The following CCNY variants were observed in gnomAD, a reference collection of about 807,000 sequenced individuals.
CCNY encodes cyclin-Y.
Under a neutral mutation model 42.8 loss-of-function variants are expected in CCNY, and 19 were observed. The observed-to-expected ratio is 0.44, with a 90% CI of 0.31 to 0.65. The LOEUF (loss-of-function observed/expected upper bound fraction) is 0.65. Among genes scored for constraint, CCNY ranks in the 30% least tolerant of loss-of-function variants. The probability of loss-of-function intolerance (pLI) is 0.07; values close to 1 mark genes in which losing one functional copy is unlikely to be tolerated. For missense variants in CCNY, 370 were observed against 437.3 expected, an observed-to-expected ratio of 0.85 and a Z score of 1.37; for synonymous variants, 165 against 162.7, an observed-to-expected ratio of 1.01 and a Z score of -0.11.
At chr10:35,258,713 G>A (rs532122053) in intron 3 of CCNY, among the ~76,000 whole-genome samples, 4 of 152,044 alleles carry the variant, frequency 2.6e-5, no homozygotes, top group Admixed American at 6.6e-5. Context: ...CGAGGTGGGC[G>A]GATCATGAGG....
chr10:35,480,212 G>T (rs1192117836), intron 1 of CCNY, among the ~76,000 whole-genome samples: 1 of 152,138 alleles, frequency 6.6e-6, no homozygotes, highest in Non-Finnish European at 1.5e-5. Flanking sequence ...ACCACTTGTG[G>T]CCCAGGGAGC....
chr10:35,263,600 G>A (rs1477761104), intron 3 of CCNY, among the ~76,000 whole-genome samples: 2 of 151,656 alleles, frequency 1.3e-5, no homozygotes, highest in Admixed American at 1.3e-4. Flanking sequence ...AAAGGAAAGG[G>A]ACAGAAGGAA....
chr10:35,417,447 C>G (rs947881751), intron 1 of CCNY, among the ~76,000 whole-genome samples: 4 of 152,168 alleles, frequency 2.6e-5, no homozygotes, highest in Non-Finnish European at 5.9e-5. Flanking sequence ...AATGGGGTCA[C>G]TAATAGGACT....
At chr10:35,262,646 G>A (rs780120639) in intron 3 of CCNY, among the ~76,000 whole-genome samples, 36 of 152,226 alleles carry the variant, frequency 2.4e-4, no homozygotes, top group Non-Finnish European at 4.4e-4. Flanking sequence ...ACAGGGGTGA[G>A]TCGCCATGAC....
chr10:35,249,756 G>A (rs1341550982), intron 2 of CCNY, among the ~76,000 whole-genome samples: 1 of 152,114 alleles, frequency 6.6e-6, no homozygotes, highest in East Asian at 1.9e-4. Flanking sequence ...AAAGATCTGG[G>A]ATCTAAAGTG....
chr10:35,523,021 T>C (rs561068235), intron 4 of CCNY, among the ~76,000 whole-genome samples: 1 of 152,252 alleles, frequency 6.6e-6, no homozygotes, highest in Admixed American at 6.5e-5. Flanking sequence ...ATAGATAATA[T>C]GTCACTGACT....
At chr10:35,568,768 G>A (rs768890610) in intron 9 of CCNY, among the ~76,000 whole-genome samples, 1 of 152,244 alleles carries the variant, frequency 6.6e-6, no homozygotes, top group Admixed American at 6.5e-5. Flanking sequence ...CCCCTAGATG[G>A]GGAGCCAGCG....
chr10:35,549,644 C>T (rs1249173585), intron 7 of CCNY, among the ~76,000 whole-genome samples: 20 of 127,542 alleles, frequency 1.6e-4, no homozygotes, highest in South Asian at 5.4e-4. Flanking sequence ...CGTGACCCTG[C>T]GCTGCTCATG....
At chr10:35,448,302 G>T (rs1270057502) in intron 1 of CCNY, among the ~76,000 whole-genome samples, 1 of 152,194 alleles carries the variant, frequency 6.6e-6, no homozygotes, top group Non-Finnish European at 1.5e-5. Context: ...AAAGCAGGAA[G>T]TTAAGGGTGG....
chr10:35,564,088 C>T (rs1233363970), intron 8 of CCNY, among the ~76,000 whole-genome samples: 1 of 152,086 alleles, frequency 6.6e-6, no homozygotes, highest in East Asian at 1.9e-4. Flanking sequence ...CCCTGTTGGC[C>T]AGGCTGGTCT....
chr10:35,490,278 A>C (rs952369062), intron 2 of CCNY, among the ~76,000 whole-genome samples: 1 of 152,246 alleles, frequency 6.6e-6, no homozygotes, highest in African/African-American at 2.4e-5. Flanking sequence ...CCAGTCAGTC[A>C]AATCAGTCTT....
At chr10:35,477,359 C>T (rs1454293136) in intron 1 of CCNY, among the ~76,000 whole-genome samples, 2 of 150,940 alleles carry the variant, frequency 1.3e-5, no homozygotes, top group Non-Finnish European at 3.0e-5. Flanking sequence ...GACCAATATC[C>T]TTGATGAACA....
rs543251670 is a variant in CCNY at position 35,522,760 on chromosome 10, G to A, written c.366-3204G>A. Among the ~76,000 whole-genome samples the A allele has an allele frequency of 3.1e-4, 47 of 152,258 alleles. 1 individual carries two copies. In the South Asian group the frequency reaches 6.4e-3, roughly 21 times the overall value. On this transcript the variant is annotated intron_variant, in intron 4 of 9. Coordinates refer to ENST00000374704, the MANE Select transcript of CCNY (RefSeq NM_145012.6). ...AGGTGACTCTGGCCACACATGCTGC[G>A]GTCCCAAATGTTAGCCCCAAAAGAC... is the stretch of plus-strand genomic sequence containing the variant.
intron 3 of CCNY, among the ~76,000 whole-genome samples, chr10:35,308,414 T>C (rs770277862): frequency 6.6e-6 from 1 of 151,976 alleles, no homozygotes; most frequent in Non-Finnish European, 1.5e-5. Context: ...CAGCTGGGCA[T>C]GGTAATGTGC....
intron 1 of CCNY, among the ~76,000 whole-genome samples, chr10:35,424,373 T>C (rs988170867): frequency 3.3e-5 from 5 of 152,164 alleles, no homozygotes; most frequent in African/African-American, 1.2e-4. Flanking sequence ...ATTACAGGCA[T>C]GCGCCACCAC....
intron 3 of CCNY, among the ~76,000 whole-genome samples, chr10:35,320,197 G>A (rs1427719103): frequency 1.3e-5 from 2 of 149,388 alleles, no homozygotes; most frequent in Non-Finnish European, 3.0e-5. Context: ...ATACCTCACT[G>A]AATACAGATG....
chr10:35,320,423 A>G (rs1835807253), intron 3 of CCNY, among the ~76,000 whole-genome samples: 2 of 152,224 alleles, frequency 1.3e-5, no homozygotes, highest in Non-Finnish European at 2.9e-5. Context: ...TCCATTCACA[A>G]TTTTAAAACT....
At chr10:35,295,497 G>T (rs1835461347) in intron 3 of CCNY, among the ~76,000 whole-genome samples, 1 of 152,022 alleles carries the variant, frequency 6.6e-6, no homozygotes, top group South Asian at 2.1e-4. Context: ...CTCCCAAAGT[G>T]CTGGGATTAC....
chr10:35,322,181 C>T (rs1308791824), intron 3 of CCNY, among the ~76,000 whole-genome samples: 1 of 152,086 alleles, frequency 6.6e-6, no homozygotes, highest in Non-Finnish European at 1.5e-5. Flanking sequence ...TGGTGAAACC[C>T]TGTCTCTACT....
Sources: gnomAD v4.1 joint callset for allele counts (sites outside exome capture counted in the v4.1 genomes callset) on GRCh38, gnomAD v4.1.1 for gene constraint, MANE v1.5 for transcripts, NCBI Gene and HGNC (gene_info 2026-07-23, HGNC 2026-07-21) for gene names.